TDP1: variants seen among roughly 807,000 people sequenced by gnomAD.
TDP1 encodes the protein tyr-DNA phosphodiesterase 1.
TDP1 carries 64 observed loss-of-function variants against 81.5 expected under a neutral mutation model. The observed-to-expected ratio is 0.79, with a 90% CI of 0.64 to 0.97. TDP1 has a LOEUF of 0.97. Among genes scored for constraint, TDP1 ranks in the 50% least tolerant of loss-of-function variants. The pLI, the probability that TDP1 is intolerant of heterozygous loss-of-function variation, is 0.00. For synonymous variants in TDP1, 256 were observed against 264.3 expected (o/e 0.97, Z 0.30); for missense variants, 723 against 743.8 (o/e 0.97, Z 0.33).
intron 14 of TDP1, among the ~76,000 whole-genome samples, chr14:90,004,262 T>G (rs1011525384): frequency 6.6e-6 from 1 of 152,162 alleles, no homozygotes; most frequent in African/African-American, 2.4e-5. Flanking sequence ...ACCCCTGACT[T>G]AGTGCCTCTA....
chr14:89,958,949 T>C (rs1892003549), intron 2 of TDP1, among the ~76,000 whole-genome samples: 1 of 152,256 alleles, frequency 6.6e-6, no homozygotes, highest in African/African-American at 2.4e-5. Flanking sequence ...CTTCTGTTGA[T>C]GGTAAACAAA....
chr14:89,989,072 C>T lies in TDP1; in HGVS notation c.1299C>T (p.Ser433=), dbSNP rs1424314747. 1 of 1,613,924 alleles carries T rather than the reference C, an allele frequency of 6.2e-7. No homozygotes were observed. Among genetic ancestry groups the T allele is most frequent in the South Asian group, 1.1e-5 (1 of 91,084 alleles). ...AGGAAAGCAAGACTCCAGGAAAAAG[C>T]TCTGTTCCTCTTTACTTGGTGAGTT... is the stretch of plus-strand genomic sequence containing the variant. ...LGKESKTPGK[S]SVPLYLIYPS... The change falls in exon 11 of 17, where the codon AGC becomes AGT. Residue 433 remains serine (S), a synonymous_variant. Transcript: ENST00000335725.
At chr14:89,981,365 A>G (rs942304349) in intron 8 of TDP1, 4 of 413,966 alleles carry the variant, frequency 9.7e-6, no homozygotes, top group African/African-American at 6.2e-5. Context: ...CCCCTTTTCA[A>G]GAGGGGTTTG....
chr14:90,026,450 A>G (rs1187431074), intron 15 of TDP1, among the ~76,000 whole-genome samples: 1 of 152,234 alleles, frequency 6.6e-6, no homozygotes, highest in Non-Finnish European at 1.5e-5. Context: ...TGCCCTGGCA[A>G]GAATTTATTT....
intron 14 of TDP1, among the ~76,000 whole-genome samples, chr14:90,003,910 C>T (rs373030150): frequency 2.0e-5 from 3 of 152,280 alleles, no homozygotes; most frequent in African/African-American, 7.2e-5. Flanking sequence ...TGAAACAAAT[C>T]ATCTCTTTTT....
chr14:89,964,054 G>C (rs1471036994), intron 3 of TDP1, among the ~76,000 whole-genome samples: 1 of 152,158 alleles, frequency 6.6e-6, no homozygotes, highest in Non-Finnish European at 1.5e-5. Context: ...TTGTTAAAAT[G>C]CAAATTCTCG....
intron 14 of TDP1, among the ~76,000 whole-genome samples, chr14:90,013,262 G>A (rs1884926826): frequency 6.6e-6 from 1 of 152,204 alleles, no homozygotes; most frequent in Admixed American, 6.5e-5. Flanking sequence ...GGAGGGGTAA[G>A]GGGTAGAATG....
intron 16 of TDP1, among the ~76,000 whole-genome samples, chr14:90,036,879 A>G (rs1187990976): frequency 6.9e-6 from 1 of 143,904 alleles, no homozygotes; most frequent in Non-Finnish European, 1.5e-5. Flanking sequence ...GCATGGTCTC[A>G]GCTCACTACA....
At chr14:90,002,687 T>C (rs1459052016) in intron 14 of TDP1, among the ~76,000 whole-genome samples, 1 of 146,544 alleles carries the variant, frequency 6.8e-6, no homozygotes, top group Non-Finnish European at 1.5e-5. Flanking sequence ...CTGAGCAACA[T>C]GGTAAAACCC....
intron 2 of TDP1, among the ~76,000 whole-genome samples, chr14:89,957,386 A>G (rs1891784076): frequency 6.6e-6 from 1 of 152,228 alleles, no homozygotes; most frequent in South Asian, 2.1e-4. Flanking sequence ...GGGGGTAAGC[A>G]TGATATCCAT....
At chr14:89,997,406 ATTGT>A (rs1301069678) in intron 14 of TDP1, among the ~76,000 whole-genome samples, 1 of 152,116 alleles carries the variant, frequency 6.6e-6, no homozygotes, top group Non-Finnish European at 1.5e-5. Context: ...GTAGATGGGG[ATTGT>A]CACTGATATC....
At chr14:89,981,346 G>C in intron 8 of TDP1, 1 of 394,116 alleles carries the variant, frequency 2.5e-6, no homozygotes, top group South Asian at 2.0e-5. Context: ...GCTAGATCCA[G>C]GTTTTGATCC....
At chr14:89,968,013 T>C (rs567279991) in intron 5 of TDP1, among the ~76,000 whole-genome samples, 2 of 152,228 alleles carry the variant, frequency 1.3e-5, no homozygotes, top group South Asian at 4.2e-4. Flanking sequence ...TAACAGCAAG[T>C]AGGATGGAGG....
intron 5 of TDP1, 149 bp from the exon 6 acceptor site, chr14:89,971,026 G>T: frequency 1.5e-6 from 1 of 657,624 alleles, no homozygotes; most frequent in South Asian, 1.5e-5. Context: ...AGTAGAGACG[G>T]GGTTTCACCA....
At chr14:89,958,393 C>T (rs79690576) in intron 2 of TDP1, 8,653 of 152,248 alleles carry the variant, frequency 0.057, 516 homozygotes, top group African/African-American at 0.15. Flanking sequence ...GGGAAAAGGG[C>T]GGAGGTGAGT....
rs35133244 is a variant in TDP1 at position 89,975,581 on chromosome 14, G to GTTT, written c.757-182_757-180dup. ...AATCATTCTGGGTAACAAAATTTGT[G>GTTT]TTTTTTTTTTTTTTTTTTTTAATGA... On this transcript the variant is annotated intron_variant, in intron 6 of 16. Coordinates refer to ENST00000335725, the MANE Select transcript of TDP1 (RefSeq NM_018319.4). 788 of 268,680 alleles carry GTTT rather than the reference G, an allele frequency of 2.9e-3. 2 individuals carry two copies. The highest frequency in any genetic ancestry group is 6.6e-3 in the African/African-American group (227 of 34,386). 16.6% of individuals were successfully genotyped at this position (268,680 alleles called of 1,614,324 possible).
intron 6 of TDP1, among the ~76,000 whole-genome samples, chr14:89,971,889 C>A (rs763421132): frequency 6.6e-6 from 1 of 151,188 alleles, no homozygotes; most frequent in Non-Finnish European, 1.5e-5. Flanking sequence ...GACACTTCAA[C>A]GGTAGTCCTT....
intron 16 of TDP1, among the ~76,000 whole-genome samples, chr14:90,038,111 A>G (rs1341306387): frequency 1.3e-5 from 2 of 152,244 alleles, no homozygotes; most frequent in African/African-American, 4.8e-5. Context: ...ATTACTGATG[A>G]TGTTAACTTT....
intron 15 of TDP1, chr14:90,022,893 G>A (rs1426354033): frequency 1.2e-6 from 1 of 848,880 alleles, no homozygotes; most frequent in Non-Finnish European, 1.8e-6. Flanking sequence ...GTGAAGGAGA[G>A]GCTGTCCAAC....
Sources: allele counts gnomAD v4.1 joint callset (sites outside exome capture counted in the v4.1 genomes callset), GRCh38; gene constraint gnomAD v4.1.1; transcripts MANE v1.5; gene names NCBI Gene and HGNC (gene_info 2026-07-23, HGNC 2026-07-21).